The following HDAC4 variants were observed in gnomAD, a reference collection of about 807,000 sequenced individuals.
HDAC4 encodes the protein histone deacetylase 4.
In HDAC4, 16 loss-of-function variants were observed where a neutral mutation model predicts 135.1. The ratio of observed to expected loss-of-function variants is 0.12; its 90% CI spans 0.08 to 0.18. The LOEUF (loss-of-function observed/expected upper bound fraction) is 0.18, where lower values mean the gene tolerates loss of function less well. HDAC4 is among the 10% of genes least tolerant of loss of function. The probability of loss-of-function intolerance (pLI) is 1.00; values close to 1 mark genes in which losing one functional copy is unlikely to be tolerated. For missense variants in HDAC4, 1,143 were observed against 1,511.8 expected, an observed-to-expected ratio of 0.76 and a Z score of 4.05; for synonymous variants, 685 against 653.4, an observed-to-expected ratio of 1.05 and a Z score of -0.74.
At chr2:239,185,757 G>T (rs191955410) in intron 4 of HDAC4, among the ~76,000 whole-genome samples, 1 of 152,216 alleles carries the variant, frequency 6.6e-6, no homozygotes, top group African/African-American at 2.4e-5. Flanking sequence ...GAGGCCGGGC[G>T]CAGTGGCTCA....
chr2:239,088,664 C>T (rs1470286814), intron 18 of HDAC4, among the ~76,000 whole-genome samples: 4 of 152,144 alleles, frequency 2.6e-5, no homozygotes, highest in South Asian at 2.1e-4. Context: ...ACAATGTGCT[C>T]GATGAAGCAG....
At chr2:239,282,259 T>C (rs1454373640) in intron 2 of HDAC4, among the ~76,000 whole-genome samples, 3 of 111,552 alleles carry the variant, frequency 2.7e-5, no homozygotes, top group Non-Finnish European at 5.4e-5. Context: ...CACACCACTC[T>C]ACACACAATG....
chr2:239,061,058 G>A (rs995948546), intron 24 of HDAC4, among the ~76,000 whole-genome samples: 102 of 152,274 alleles, frequency 6.7e-4, no homozygotes, highest in African/African-American at 2.2e-3. Flanking sequence ...CGGGACACAC[G>A]ACGTGGACCC....
chr2:239,081,034 G>C (rs1025599297), intron 22 of HDAC4, 61 bp downstream of exon 22: 2 of 1,295,584 alleles, frequency 1.5e-6, no homozygotes, highest in Non-Finnish European at 2.2e-6. Flanking sequence ...AGTGCTTCCT[G>C]GAATGTGTGC....
At chr2:239,384,612 A>G (rs1043920982) in intron 1 of HDAC4, among the ~76,000 whole-genome samples, 5 of 152,274 alleles carry the variant, frequency 3.3e-5, no homozygotes, top group African/African-American at 1.2e-4. Flanking sequence ...TCAAGGCTCT[A>G]TCTCAGAAAA....
chr2:239,340,964 C>T (rs1461931936), intron 2 of HDAC4, among the ~76,000 whole-genome samples: 1 of 152,140 alleles, frequency 6.6e-6, no homozygotes, highest in African/African-American at 2.4e-5. Context: ...TAAGGGGATC[C>T]TAACCTCCCA....
chr2:239,327,320 C>T (rs1425716259), intron 2 of HDAC4, among the ~76,000 whole-genome samples: 1 of 152,144 alleles, frequency 6.6e-6, no homozygotes, highest in Admixed American at 6.5e-5. Flanking sequence ...GCCCGATGAA[C>T]GTTCCTCCCC....
intron 4 of HDAC4, among the ~76,000 whole-genome samples, chr2:239,189,433 G>T (rs2044759265): frequency 6.6e-6 from 1 of 152,060 alleles, no homozygotes; most frequent in Admixed American, 6.5e-5. Flanking sequence ...AGAGAAAATA[G>T]AAAATATAGA....
At chr2:239,374,004 A>G (rs550939767) in intron 1 of HDAC4, among the ~76,000 whole-genome samples, 19 of 152,334 alleles carry the variant, frequency 1.2e-4, no homozygotes, top group African/African-American at 4.6e-4. Flanking sequence ...TTGAAGCAAG[A>G]AAAAGAATGA....
chr2:239,213,709 C>T (rs1379205948), intron 3 of HDAC4, among the ~76,000 whole-genome samples: 2 of 152,214 alleles, frequency 1.3e-5, no homozygotes, highest in East Asian at 3.9e-4. Context: ...ACGCACAGGA[C>T]AGCCCACATT....
intron 3 of HDAC4, among the ~76,000 whole-genome samples, chr2:239,217,357 T>C (rs1014255000): frequency 9.8e-5 from 15 of 152,332 alleles, no homozygotes; most frequent in African/African-American, 3.4e-4. Flanking sequence ...ATGGAAATGG[T>C]AATGAAACTG....
intron 3 of HDAC4, among the ~76,000 whole-genome samples, chr2:239,227,878 C>T (rs1019174019): frequency 4.6e-5 from 7 of 152,284 alleles, no homozygotes; most frequent in Admixed American, 2.0e-4. Flanking sequence ...GCAGGGTGGC[C>T]CGGGCCCTCT....
At chr2:239,153,504 A>G (rs912391965) in intron 7 of HDAC4, among the ~76,000 whole-genome samples, 16 of 152,220 alleles carry the variant, frequency 1.1e-4, no homozygotes, top group African/African-American at 3.9e-4. Context: ...ATGTGTTTGA[A>G]AGTAGATGTC....
In HDAC4 at chr2:239,085,433, G is replaced by A. The variant is rs184079914; in HGVS notation, c.2445-1191C>T. On this transcript the variant is annotated intron_variant, in intron 19 of 26. Coordinates refer to ENST00000543185, the MANE Select transcript of HDAC4 (RefSeq NM_001378414.1). ...CGGGCTGGCATGGGGAAGCCCACAC[G>A]CCCCAGGACATCCTAGACGCTGAGC... is the stretch of plus-strand genomic sequence containing the variant. Among the ~76,000 whole-genome samples the A allele has an allele frequency of 1.2e-4, 18 of 152,290 alleles. No homozygotes were observed. In the East Asian group the frequency reaches 3.3e-3, roughly 28 times the overall value.
intron 1 of HDAC4, among the ~76,000 whole-genome samples, chr2:239,376,189 A>C (rs548903027): frequency 7.1e-6 from 1 of 140,164 alleles, no homozygotes; most frequent in East Asian, 2.1e-4. Context: ...TGTGCTCACA[A>C]CCCTCCACCA....
chr2:239,210,490 C>T (rs557189567), intron 3 of HDAC4, among the ~76,000 whole-genome samples: 6 of 152,232 alleles, frequency 3.9e-5, no homozygotes, highest in African/African-American at 7.2e-5. Flanking sequence ...CTATTCTCAG[C>T]GTTGTGTTTT....
intron 2 of HDAC4, among the ~76,000 whole-genome samples, chr2:239,244,861 G>A (rs971216825): frequency 1.2e-4 from 18 of 152,150 alleles, no homozygotes; most frequent in African/African-American, 4.1e-4. Context: ...ACTAGGCATA[G>A]GCTTGATGCT....
rs369300930 is a variant in HDAC4 at position 239,081,230 on chromosome 2, C to T, written c.2653-38G>A. On this transcript the variant is annotated intron_variant, in intron 21 of 26. Transcript: ENST00000543185. ...GGAGAGAAACACACGTCATGGACCCCGAGCGGGACCTGTCTGACAGGAACG... is the reference window on the plus strand; with the variant it reads ...GGAGAGAAACACACGTCATGGACCCTGAGCGGGACCTGTCTGACAGGAACG... 135 of 1,545,734 alleles carry T rather than the reference C, an allele frequency of 8.7e-5. 1 individual carries two copies. The highest frequency in any genetic ancestry group is 4.2e-4 in the African/African-American group (31 of 73,806).
chr2:239,373,963 G>T (rs1388783291), intron 1 of HDAC4, among the ~76,000 whole-genome samples: 1 of 152,094 alleles, frequency 6.6e-6, no homozygotes, highest in Non-Finnish European at 1.5e-5. Flanking sequence ...CTCATACTTA[G>T]ATATGAACAA....
Sources: allele counts gnomAD v4.1 joint callset (sites outside exome capture counted in the v4.1 genomes callset), GRCh38; gene constraint gnomAD v4.1.1; transcripts MANE v1.5; gene names NCBI Gene and HGNC (gene_info 2026-07-23, HGNC 2026-07-21).